SLC26A7: variants seen among roughly 807,000 people sequenced by gnomAD.
The protein encoded by SLC26A7 is solute carrier family 26 member 7.
A neutral mutation model predicts 82.5 loss-of-function variants in SLC26A7; 59 were observed. The observed-to-expected ratio is 0.72, with a 90% CI of 0.58 to 0.89. The LOEUF (loss-of-function observed/expected upper bound fraction) is 0.89, where lower values mean the gene tolerates loss of function less well. SLC26A7 is among the 40% of genes least tolerant of loss of function. The pLI is 0.00. For synonymous variants in SLC26A7, 271 were observed against 274.3 expected (o/e 0.99, Z 0.12); for missense variants, 820 against 793.0 (o/e 1.03, Z -0.41).
intron 2 of SLC26A7, among the ~76,000 whole-genome samples, chr8:91,287,047 T>C (rs1811731648): frequency 6.6e-6 from 1 of 152,128 alleles, no homozygotes; most frequent in Admixed American, 6.6e-5. Context: ...GAGAAATGGG[T>C]TTCCATTGAG....
chr8:91,227,145 ACT>A (rs939529139), intron 2 of SLC26A7, among the ~76,000 whole-genome samples: 1 of 152,076 alleles, frequency 6.6e-6, no homozygotes, highest in African/African-American at 2.4e-5. Flanking sequence ...TCCATCTGAA[ACT>A]CTCTTTTTGG....
intron 15 of SLC26A7, among the ~76,000 whole-genome samples, chr8:91,376,100 A>G (rs1428092990): frequency 6.6e-6 from 1 of 152,146 alleles, no homozygotes; most frequent in Non-Finnish European, 1.5e-5. Context: ...GCTTTTATAA[A>G]AATATAGCTA....
At chr8:91,292,979 G>C (rs1251484624) in intron 3 of SLC26A7, among the ~76,000 whole-genome samples, 1 of 152,148 alleles carries the variant, frequency 6.6e-6, no homozygotes, top group Non-Finnish European at 1.5e-5. Flanking sequence ...GCACTTTTCA[G>C]AAGCAAAAAT....
chr8:91,370,619 T>G (rs1814331056), intron 15 of SLC26A7, among the ~76,000 whole-genome samples: 1 of 152,052 alleles, frequency 6.6e-6, no homozygotes, highest in Admixed American at 6.5e-5. Context: ...TCTCTAGAAG[T>G]TTAATTATCT....
At chr8:91,274,242 T>C (rs1023383296) in intron 2 of SLC26A7, among the ~76,000 whole-genome samples, 5 of 152,204 alleles carry the variant, frequency 3.3e-5, no homozygotes, top group African/African-American at 2.4e-5. Flanking sequence ...GGATATGACA[T>C]TTATAAACAT....
rs769520890 is a variant in SLC26A7 at position 91,324,406 on chromosome 8, G to A, written c.642+6026G>A. Among the ~76,000 whole-genome samples, 32 of 152,304 alleles carry A rather than the reference G, an allele frequency of 2.1e-4. 1 individual carries two copies. In the Middle Eastern group the frequency reaches 0.017, roughly 81 times the overall value. Reference sequence around the variant, plus strand: ...GCTTGAAAGCAAGTTGGGGTGGGGAGAGGGCATGCCTGGGCAATCATGACT... The same window carrying A: ...GCTTGAAAGCAAGTTGGGGTGGGGAAAGGGCATGCCTGGGCAATCATGACT... On this transcript the variant is annotated intron_variant, in intron 5 of 18. Coordinates refer to ENST00000276609, the MANE Select transcript of SLC26A7 (RefSeq NM_052832.4).
chr8:91,349,780 A>G (rs1813663317), intron 9 of SLC26A7, among the ~76,000 whole-genome samples: 2 of 152,130 alleles, frequency 1.3e-5, no homozygotes, highest in African/African-American at 2.4e-5. Flanking sequence ...AGAGTCCCAC[A>G]AAAAGGGTAC....
At chr8:91,304,735 C>G (rs1048741696) in intron 4 of SLC26A7, among the ~76,000 whole-genome samples, 2 of 152,200 alleles carry the variant, frequency 1.3e-5, no homozygotes, top group African/African-American at 4.8e-5. Context: ...CCATCTACTT[C>G]TAGGGCCAGG....
At chr8:91,345,608 T>C (rs77855845) in intron 9 of SLC26A7, among the ~76,000 whole-genome samples, 3 of 152,350 alleles carry the variant, frequency 2.0e-5, no homozygotes, top group Non-Finnish European at 4.4e-5. Context: ...TAACATTTAA[T>C]ATTAAAACAT....
In SLC26A7 at chr8:91,395,342, A is replaced by T; in HGVS notation, c.*245A>T. ...ATCAGTATGTGTTTAGTTTTAGTGT[A>T]CTGAAGGGTAAACATGGTTTTATTT... On this transcript the variant is annotated 3_prime_UTR_variant, in exon 19 of 19. Coordinates refer to ENST00000276609, the MANE Select transcript of SLC26A7 (RefSeq NM_052832.4). 1 of 850,886 alleles carries T rather than the reference A, an allele frequency of 1.2e-6. No individual in the cohort carries two copies. The allele number at this position is 850,886 out of a possible 1,614,324, so 52.7% of individuals were successfully genotyped here.
In SLC26A7 at chr8:91,369,784, G is replaced by T; in HGVS notation, c.1627-1G>T. 6.3e-7 allele frequency: 1 copy of T among 1,578,502 alleles called. No individual in the cohort carries two copies. The highest frequency in any genetic ancestry group is 8.6e-7 in the Non-Finnish European group (1 of 1,163,272). ...CTTCTTTATGTTTGTTTTTATTTTA[G>T]TGTGAACAAAACACATTGCTTAATT... On this transcript the variant is annotated splice_acceptor_variant, in intron 14 of 18. Transcript: ENST00000276609. LOFTEE classifies it high-confidence loss of function.
chr8:91,357,185 C>T (rs1368248794), intron 11 of SLC26A7: 1 of 152,118 alleles, frequency 6.6e-6, no homozygotes, highest in South Asian at 2.1e-4. Context: ...GCTGTTGCCC[C>T]TAAAAGCTCT....
intron 2 of SLC26A7, among the ~76,000 whole-genome samples, chr8:91,282,689 T>C (rs1586360222): frequency 6.6e-6 from 1 of 152,158 alleles, no homozygotes; most frequent in Non-Finnish European, 1.5e-5. Context: ...AGGTTCCAGG[T>C]CCTATCACCC....
At chr8:91,219,940 T>G (rs1810131065) in intron 2 of SLC26A7, among the ~76,000 whole-genome samples, 1 of 152,230 alleles carries the variant, frequency 6.6e-6, no homozygotes, top group South Asian at 2.1e-4. Flanking sequence ...CTATTTCTTC[T>G]TGTCACTACG....
chr8:91,330,154 C>A (rs1038740271), intron 5 of SLC26A7, among the ~76,000 whole-genome samples: 1 of 152,044 alleles, frequency 6.6e-6, no homozygotes, highest in Non-Finnish European at 1.5e-5. Context: ...TTGTTATTGT[C>A]ATTTTAACTG....
chr8:91,245,029 C>T (rs909946931), upstream of SLC26A7, among the ~76,000 whole-genome samples: 1 of 152,090 alleles, frequency 6.6e-6, no homozygotes, highest in Non-Finnish European at 1.5e-5. Flanking sequence ...ACTGGTTGGC[C>T]TATCATGAGA....
chr8:91,318,576 T>C (rs1291796832), intron 5 of SLC26A7, among the ~76,000 whole-genome samples, 196 bp downstream of exon 5: 3 of 152,176 alleles, frequency 2.0e-5, no homozygotes, highest in Non-Finnish European at 2.9e-5. Flanking sequence ...TTGGAAATGA[T>C]TCCTTGTAAT....
intron 11 of SLC26A7, among the ~76,000 whole-genome samples, chr8:91,357,667 C>T (rs1813910299): frequency 6.6e-6 from 1 of 152,142 alleles, no homozygotes; most frequent in Non-Finnish European, 1.5e-5. Flanking sequence ...TAGAAGAAAA[C>T]CTAGGCAGTA....
At chr8:91,244,329 T>G (rs1810515060), upstream of SLC26A7, among the ~76,000 whole-genome samples, 1 of 152,044 alleles carries the variant, frequency 6.6e-6, no homozygotes, top group South Asian at 2.1e-4. Context: ...TCCTCTTCCT[T>G]TTCTTCTTCT....
Sources: allele counts gnomAD v4.1 joint callset (sites outside exome capture counted in the v4.1 genomes callset), GRCh38; gene constraint gnomAD v4.1.1; transcripts MANE v1.5; gene names NCBI Gene and HGNC (gene_info 2026-07-23, HGNC 2026-07-21).